The following TOP1 variants were observed in gnomAD, a reference collection of about 807,000 sequenced individuals.
TOP1 encodes the protein DNA topoisomerase 1.
In TOP1, 10 loss-of-function variants were observed where a neutral mutation model predicts 111.1. That is an observed-to-expected ratio of 0.09 (90% CI 0.06 to 0.15). The LOEUF is 0.15. TOP1 is among the 10% of genes least tolerant of loss of function. The pLI is 1.00. For missense variants in TOP1, 474 were observed against 926.7 expected, an observed-to-expected ratio of 0.51 and a Z score of 6.34; for synonymous variants, 271 against 302.9, an observed-to-expected ratio of 0.89 and a Z score of 1.10.
chr20:41,096,668 C>G (rs1454953226), intron 9 of TOP1, among the ~76,000 whole-genome samples: 1 of 152,212 alleles, frequency 6.6e-6, no homozygotes, highest in Non-Finnish European at 1.5e-5. Flanking sequence ...TCTTATTAGG[C>G]TTTTCATATG....
rs1004062025 is a variant in TOP1, at chr20:41,046,394, C to T, written c.59-15000C>T. On this transcript the variant is annotated intron_variant, in intron 2 of 20. Transcript: ENST00000361337. The surrounding 1 kb of genome is among the most constrained non-coding windows in gnomAD (Gnocchi z 4.3). ...ACAGCCTGAGTTCTTAGTTGTGATA[C>T]AAAACAAGGTAAAGGGGGACCTGGG... Among the ~76,000 whole-genome samples, 2 of 152,154 alleles carry T rather than the reference C, an allele frequency of 1.3e-5. No homozygotes were observed. The highest frequency in any genetic ancestry group is 4.8e-5 in the African/African-American group (2 of 41,436).
At chr20:41,093,560 C>T (rs1013488680) in intron 9 of TOP1, among the ~76,000 whole-genome samples, 4 of 152,214 alleles carry the variant, frequency 2.6e-5, no homozygotes, top group African/African-American at 4.8e-5. Context: ...ATTTCACCAC[C>T]CCATTTCTCC....
In TOP1 at chr20:41,100,834, T is replaced by G. The variant is rs2034052759; in HGVS notation, c.1164-375T>G. 5.4e-6 allele frequency: 1 copy of G among 186,202 alleles called. No individual in the cohort carries two copies. The highest frequency in any genetic ancestry group is 5.4e-5 in the Admixed American group (1 of 18,538). 11.5% of individuals were successfully genotyped at this position (186,202 alleles called of 1,614,324 possible). On this transcript the variant is annotated intron_variant, in intron 12 of 20. Transcript: ENST00000361337. This position sits in a 1 kb window ranked among gnomAD's most constrained non-coding sequence, Gnocchi z 4.4. ...AAGGATTACTTGAACACAAGCAATGTAAAACCATTAAAGTCAACCTGATAA... is the reference window on the plus strand; with the variant it reads ...AAGGATTACTTGAACACAAGCAATGGAAAACCATTAAAGTCAACCTGATAA...
chr20:41,092,529 T>G lies in TOP1; in HGVS notation c.672T>G (p.Gly224=). ...GIKWKFLEHK[G]PVFAPPYEPL... The stretch of plus-strand genomic sequence containing the variant: ...AGTGGAAATTCCTAGAACATAAAGG[T>G]CCAGTATTTGCCCCACCATATGAGC... The change falls in exon 9 of 21, where the codon GGT becomes GGG. Residue 224 remains glycine (G), a synonymous_variant. Coordinates refer to ENST00000361337, the MANE Select transcript of TOP1 (RefSeq NM_003286.4). This position sits in a 1 kb window ranked among gnomAD's most constrained non-coding sequence, Gnocchi z 4.3. 1 of 1,608,524 alleles carries G rather than the reference T, an allele frequency of 6.2e-7. No homozygotes were observed. Among genetic ancestry groups the G allele is most frequent in the Non-Finnish European group, 8.5e-7 (1 of 1,178,018 alleles).
rs1421576887 is a variant in TOP1 at position 41,058,461 on chromosome 20, TC to T, written c.59-2931del. ...CTTAATTTAGGCTAGAAGGTCCACT[TC>T]CAGGATGGCTCATTCACATGGCTAA... On this transcript the variant is annotated intron_variant, in intron 2 of 20. Coordinates refer to ENST00000361337, the MANE Select transcript of TOP1 (RefSeq NM_003286.4). The surrounding 1 kb of genome is among the most constrained non-coding windows in gnomAD (Gnocchi z 4.2). Among the ~76,000 whole-genome samples the T allele has an allele frequency of 1.3e-5, 2 of 152,214 alleles. No individual in the cohort carries two copies. Among genetic ancestry groups the T allele is most frequent in the Admixed American group, 6.5e-5 (1 of 15,282 alleles).
rs746960041 is a variant in TOP1 at position 41,067,507 on chromosome 20, C to G, written c.155+6017C>G. On this transcript the variant is annotated intron_variant, in intron 3 of 20. Coordinates refer to ENST00000361337, the MANE Select transcript of TOP1 (RefSeq NM_003286.4). This position sits in a 1 kb window ranked among gnomAD's most constrained non-coding sequence, Gnocchi z 4.0. The stretch of plus-strand genomic sequence containing the variant: ...AGGGTTTCTTCGATTTCTTCTGTAG[C>G]AGATTAAAGAAATCTGGGGGATTAT... 6.6e-6 allele frequency among the ~76,000 whole-genome samples: 1 copy of G among 152,208 alleles called. No individual in the cohort carries two copies. The highest frequency in any genetic ancestry group is 1.5e-5 in the Non-Finnish European group (1 of 68,042).
Position 41,123,385 on chromosome 20 carries a change from G to A in TOP1, c.*88G>A, listed in dbSNP as rs1044468292. The A allele has an allele frequency of 6.7e-6, 6 of 902,088 alleles. No homozygotes were observed. In the Admixed American group the frequency reaches 1.3e-4, roughly 20 times the overall value. 55.9% of individuals were successfully genotyped at this position (902,088 alleles called of 1,614,324 possible). A position where few individuals can be genotyped will look rare whatever the true frequency, so the allele number is the denominator to read the frequency against. ...TGAGCCTCACTTGCCCTCGTGCCTG[G>A]GGGAGAGAGGCAGCAAGTCTTAACA... On this transcript the variant is annotated 3_prime_UTR_variant, in exon 21 of 21. Transcript: ENST00000361337. The surrounding 1 kb of genome is among the most constrained non-coding windows in gnomAD (Gnocchi z 5.8).
Position 41,121,846 on chromosome 20 carries a change from G to C in TOP1, c.2045+56G>C. 1 of 1,582,416 alleles carries C rather than the reference G, an allele frequency of 6.3e-7. No individual in the cohort carries two copies. The highest frequency in any genetic ancestry group is 8.7e-7 in the Non-Finnish European group (1 of 1,152,078). On this transcript the variant is annotated intron_variant, in intron 19 of 20. Transcript: ENST00000361337. This position sits in a 1 kb window ranked among gnomAD's most constrained non-coding sequence, Gnocchi z 4.2. ...TGGTAGAGAAAAGTGTGCAGCATCTGTCAGGGCCCCTGGGGCCCTGGCTTT... is the reference window on the plus strand; with the variant it reads ...TGGTAGAGAAAAGTGTGCAGCATCTCTCAGGGCCCCTGGGGCCCTGGCTTT...
chr20:41,063,288 G>T (rs117405140), intron 3 of TOP1, among the ~76,000 whole-genome samples: 5 of 152,142 alleles, frequency 3.3e-5, no homozygotes, highest in Non-Finnish European at 5.9e-5. Flanking sequence ...TTTTATGACC[G>T]TATAGTATTC....
chr20:41,119,239 A>T (rs2034382226), intron 18 of TOP1, among the ~76,000 whole-genome samples: 1 of 152,230 alleles, frequency 6.6e-6, no homozygotes, highest in Non-Finnish European at 1.5e-5. Context: ...GATGTCTAAC[A>T]TCTATTGATG....
chr20:41,032,828 T>C lies in TOP1; in HGVS notation c.58+3373T>C, dbSNP rs569590481. 1.1e-4 allele frequency among the ~76,000 whole-genome samples: 16 copies of C among 152,324 alleles called. No individual in the cohort carries two copies. In the South Asian group the frequency reaches 1.2e-3, roughly 12 times the overall value. On this transcript the variant is annotated intron_variant, in intron 2 of 20. Coordinates refer to ENST00000361337, the MANE Select transcript of TOP1 (RefSeq NM_003286.4). This position sits in a 1 kb window ranked among gnomAD's most constrained non-coding sequence, Gnocchi z 4.3. Reference sequence around the variant, plus strand: ...TGGGATGGGCGGTAGCATAGCTGATTGCGGTGGGGGAATTTCAGATAGCTG... The same window carrying C: ...TGGGATGGGCGGTAGCATAGCTGATCGCGGTGGGGGAATTTCAGATAGCTG...
intron 2 of TOP1, among the ~76,000 whole-genome samples, chr20:41,043,563 T>C (rs545033792): frequency 6.6e-6 from 1 of 152,360 alleles, no homozygotes; most frequent in African/African-American, 2.4e-5. Flanking sequence ...TTTCAAGCCC[T>C]GTCAATGAGA....
In TOP1 at chr20:41,029,496, G is replaced by A. The variant is rs747395646; in HGVS notation, c.58+41G>A. The A allele has an allele frequency of 1.3e-6, 2 of 1,522,066 alleles. No individual in the cohort carries two copies. Among genetic ancestry groups the A allele is most frequent in the South Asian group, 2.4e-5 (2 of 84,820 alleles). 94.3% of individuals were successfully genotyped at this position (1,522,066 alleles called of 1,614,324 possible). On this transcript the variant is annotated intron_variant, in intron 2 of 20. Coordinates refer to ENST00000361337, the MANE Select transcript of TOP1 (RefSeq NM_003286.4). The surrounding 1 kb of genome is among the most constrained non-coding windows in gnomAD (Gnocchi z 6.1). The stretch of plus-strand genomic sequence containing the variant: ...GCGCCGACTCCGGGGCCCCCCAGCC[G>A]CCGGCCGCCTCCCCCGCGCCCTGCC...
At position 41,034,663 on chromosome 20, in the gene TOP1, A is replaced by G. The variant is rs2122585787; in HGVS notation, c.58+5208A>G. ...ATATTGTTGAACATTTTCTGTGTGT[A>G]TAGGAAAGATCCTAGATATTTTTCA... On this transcript the variant is annotated intron_variant, in intron 2 of 20. Transcript: ENST00000361337. The surrounding 1 kb of genome is among the most constrained non-coding windows in gnomAD (Gnocchi z 4.0). Among the ~76,000 whole-genome samples the G allele has an allele frequency of 6.6e-6, 1 of 152,316 alleles. No individual in the cohort carries two copies. Among genetic ancestry groups the G allele is most frequent in the East Asian group, 1.9e-4 (1 of 5,192 alleles).
chr20:41,096,229 G>A (rs2033980694), intron 9 of TOP1, among the ~76,000 whole-genome samples: 1 of 152,120 alleles, frequency 6.6e-6, no homozygotes, highest in African/African-American at 2.4e-5. Context: ...ACCACGCCCG[G>A]CTAATTTTTT....
rs898872655 is a variant in TOP1 at position 41,029,834 on chromosome 20, G to T, written c.58+379G>T. 1 of 294,906 alleles carries T rather than the reference G, an allele frequency of 3.4e-6. No individual in the cohort carries two copies. The allele number at this position is 294,906 out of a possible 1,614,324, so 18.3% of individuals were successfully genotyped here. A position where few individuals can be genotyped will look rare whatever the true frequency, so the allele number is the denominator to read the frequency against. ...TGTGTCTCTTTCTCTCCCTCCCTCG[G>T]CTCTTTCCTTGAGCTGCCCAGAATG... On this transcript the variant is annotated intron_variant, in intron 2 of 20. Transcript: ENST00000361337. The surrounding 1 kb of genome is among the most constrained non-coding windows in gnomAD (Gnocchi z 6.1).
chr20:41,050,465 T>C (rs2033391304), intron 2 of TOP1, among the ~76,000 whole-genome samples: 1 of 152,338 alleles, frequency 6.6e-6, no homozygotes, highest in South Asian at 2.1e-4. Context: ...TGCCCTGGAA[T>C]TTTGGAAATG....
At chr20:41,059,409 A>AAAATAAATAAAT (rs55866021) in intron 2 of TOP1, among the ~76,000 whole-genome samples, 3,046 of 138,076 alleles carry the variant, frequency 0.022, 48 homozygotes, top group South Asian at 0.028. Context: ...AAACTGCTAG[A>AAAATAAATAAAT]AAATAAATAA....
chr20:41,088,205 A>C (rs946107116), intron 8 of TOP1, among the ~76,000 whole-genome samples: 15 of 152,228 alleles, frequency 9.9e-5, no homozygotes, highest in Admixed American at 1.3e-4. Context: ...TCTTGATTTA[A>C]AAACACTGTA....
Sources: allele counts gnomAD v4.1 joint callset (sites outside exome capture counted in the v4.1 genomes callset), GRCh38; gene constraint gnomAD v4.1.1; non-coding constraint Gnocchi (gnomAD v3.1); transcripts MANE v1.5; gene names NCBI Gene and HGNC (gene_info 2026-07-23, HGNC 2026-07-21).